Variants in NEURL1 observed in about 807,000 individuals in gnomAD.
NEURL1 encodes neuralized E3 ubiquitin protein ligase 1.
Under a neutral mutation model 41.2 loss-of-function variants are expected in NEURL1, and 26 were observed. The observed-to-expected ratio is 0.63, with a 90% CI of 0.46 to 0.87. The LOEUF (loss-of-function observed/expected upper bound fraction) is 0.87. Ranked by LOEUF, NEURL1 falls within the 40% of genes least tolerant of loss-of-function variation. The pLI, the probability that NEURL1 is intolerant of heterozygous loss-of-function variation, is 0.00. For missense variants in NEURL1, 761 were observed against 871.1 expected (o/e 0.87, Z 1.59); for synonymous variants, 400 against 402.3 (o/e 0.99, Z 0.07).
At chr10:103,588,992 G>A (rs1231093240) in intron 4 of NEURL1, 1 of 437,628 alleles carries the variant, frequency 2.3e-6, no homozygotes, top group East Asian at 7.0e-5. Flanking sequence ...AAGGAGGAAG[G>A]AGGGGAGGAG....
chr10:103,505,220 ATTT>A (rs34595199), intron 1 of NEURL1, among the ~76,000 whole-genome samples: 6 of 128,624 alleles, frequency 4.7e-5, no homozygotes, highest in Admixed American at 8.1e-5. Flanking sequence ...AGCCCAGCTA[ATTT>A]TTTTTTTTTT....
intron 1 of NEURL1, among the ~76,000 whole-genome samples, chr10:103,510,332 C>A (rs2034040979): frequency 6.6e-6 from 1 of 152,222 alleles, no homozygotes. Flanking sequence ...CACTGCTTTG[C>A]TTGGTGAGTC....
intron 1 of NEURL1, among the ~76,000 whole-genome samples, chr10:103,543,634 G>C (rs1214466502): frequency 6.6e-6 from 1 of 152,226 alleles, no homozygotes; most frequent in South Asian, 2.1e-4. Flanking sequence ...CTCCCAGTAT[G>C]GGAAGGGCCT....
chr10:103,557,478 A>G (rs2035181800), intron 1 of NEURL1, among the ~76,000 whole-genome samples: 1 of 152,112 alleles, frequency 6.6e-6, no homozygotes, highest in Admixed American at 6.5e-5. Context: ...GCCATCAGTG[A>G]GCGCTCATCA....
In NEURL1 at chr10:103,522,964, A is replaced by G. The variant is rs533197612; in HGVS notation, c.85+28492A>G. Among the ~76,000 whole-genome samples, 11 of 152,188 alleles carry G rather than the reference A, an allele frequency of 7.2e-5. No homozygotes were observed. The East Asian group carries it at 1.2e-3, about 16-fold the overall frequency. ...GATTTTATAGTTGTCTTGCCTGTATATAATTTGACAGTATTTTTTAGCCTT... is the reference window on the plus strand; with the variant it reads ...GATTTTATAGTTGTCTTGCCTGTATGTAATTTGACAGTATTTTTTAGCCTT... On this transcript the variant is annotated intron_variant, in intron 1 of 5. Transcript: ENST00000369780.
chr10:103,548,170 T>G (rs2034960982), intron 1 of NEURL1, among the ~76,000 whole-genome samples: 1 of 152,238 alleles, frequency 6.6e-6, no homozygotes, highest in Admixed American at 6.5e-5. Context: ...AAGAACTGAC[T>G]GCTACCCAGT....
chr10:103,564,132 C>T (rs184744208), intron 1 of NEURL1, among the ~76,000 whole-genome samples: 137 of 152,312 alleles, frequency 9.0e-4, no homozygotes, highest in Middle Eastern at 3.4e-3. Flanking sequence ...TGTGTCAAGG[C>T]GTCTGCCCTG....
chr10:103,552,579 T>G (rs2035052444), intron 1 of NEURL1, among the ~76,000 whole-genome samples: 1 of 152,190 alleles, frequency 6.6e-6, no homozygotes, highest in Non-Finnish European at 1.5e-5. Context: ...TTTCAGACCC[T>G]TTTTCTCAGG....
At chr10:103,546,073 G>A (rs150554400) in intron 1 of NEURL1, among the ~76,000 whole-genome samples, 3 of 152,308 alleles carry the variant, frequency 2.0e-5, no homozygotes, top group African/African-American at 7.2e-5. Context: ...TGTAATCATA[G>A]CTCACTGTAA....
chr10:103,567,119 G>A (rs753215741), intron 1 of NEURL1, among the ~76,000 whole-genome samples: 42 of 151,914 alleles, frequency 2.8e-4, no homozygotes, highest in Admixed American at 3.9e-4. Flanking sequence ...AAGTGGCTGG[G>A]ATTACAGGTA....
At chr10:103,507,914 G>A (rs1348160445) in intron 1 of NEURL1, among the ~76,000 whole-genome samples, 1 of 152,142 alleles carries the variant, frequency 6.6e-6, no homozygotes, top group Admixed American at 6.5e-5. Flanking sequence ...ACACACACAA[G>A]CCCCTGAAAG....
chr10:103,590,102 T>A, intron 5 of NEURL1, 32 bp from the exon 6 acceptor site: 2 of 1,603,738 alleles, frequency 1.2e-6, no homozygotes, highest in Non-Finnish European at 1.7e-6. Flanking sequence ...TTGGGCCATG[T>A]CTCCTCCTGA....
chr10:103,578,053 C>T (rs2035702840), intron 3 of NEURL1, among the ~76,000 whole-genome samples: 1 of 151,990 alleles, frequency 6.6e-6, no homozygotes, highest in South Asian at 2.1e-4. Flanking sequence ...GGAGCTCGGG[C>T]CTTGCAGTAT....
chr10:103,531,179 C>T (rs1235338587), intron 1 of NEURL1, among the ~76,000 whole-genome samples: 7 of 151,974 alleles, frequency 4.6e-5, no homozygotes, highest in African/African-American at 1.7e-4. Context: ...AAGATTGTAC[C>T]ACTGCACTCC....
chr10:103,506,726 A>C (rs2133847165), intron 1 of NEURL1, among the ~76,000 whole-genome samples: 1 of 152,130 alleles, frequency 6.6e-6, no homozygotes, highest in South Asian at 2.1e-4. Flanking sequence ...CGCCCAGCTA[A>C]TTTTTGTATT....
intron 1 of NEURL1, among the ~76,000 whole-genome samples, chr10:103,514,796 G>A (rs1159447555): frequency 6.6e-6 from 1 of 152,178 alleles, no homozygotes; most frequent in Non-Finnish European, 1.5e-5. Context: ...AGTGGGGCAG[G>A]AAGCATGCAT....
At position 103,494,384 on chromosome 10, in the gene NEURL1, T is replaced by G. The variant is rs930121844; in HGVS notation, c.-4T>G. On this transcript the variant is annotated 5_prime_UTR_variant, in exon 1 of 6. The change abolishes an upstream ATG in the 5' untranslated region. Transcript: ENST00000369780. ...GAGCGCCGAACCTCCTGGGGCCGGA[T>G]GCCATGGGTAACAACTTCTCCAGTA... 1 of 1,584,186 alleles carries G rather than the reference T, an allele frequency of 6.3e-7. No individual in the cohort carries two copies. The highest frequency in any genetic ancestry group is 8.6e-7 in the Non-Finnish European group (1 of 1,165,326).
At chr10:103,518,049 A>G (rs1592190232) in intron 1 of NEURL1, among the ~76,000 whole-genome samples, 1 of 152,134 alleles carries the variant, frequency 6.6e-6, no homozygotes, top group South Asian at 2.1e-4. Context: ...TGAACAGTCA[A>G]TTTCCTAGAC....
chr10:103,502,474 C>T (rs993068690), intron 1 of NEURL1, among the ~76,000 whole-genome samples: 2 of 152,148 alleles, frequency 1.3e-5, no homozygotes, highest in African/African-American at 4.8e-5. Flanking sequence ...GGAGCGAGAA[C>T]GATCTTTCTC....
Sources: allele counts gnomAD v4.1 joint callset (sites outside exome capture counted in the v4.1 genomes callset), GRCh38; gene constraint gnomAD v4.1.1; transcripts MANE v1.5; gene names NCBI Gene and HGNC (gene_info 2026-07-23, HGNC 2026-07-21).